Variants in TATDN2 observed in about 807,000 individuals in gnomAD.
The protein encoded by TATDN2 is 3'-5' RNA nuclease TATDN2.
TATDN2 carries 44 observed loss-of-function variants against 60.3 expected under a neutral mutation model. The observed-to-expected ratio is 0.73, with a 90% CI of 0.57 to 0.94. The LOEUF (loss-of-function observed/expected upper bound fraction) is 0.94. TATDN2 is among the 40% of genes least tolerant of loss of function. The probability of loss-of-function intolerance (pLI) is 0.00; values close to 1 mark genes in which losing one functional copy is unlikely to be tolerated. For synonymous variants in TATDN2, 399 were observed against 355.8 expected, an observed-to-expected ratio of 1.12 and a Z score of -1.37; for missense variants, 997 against 948.0, an observed-to-expected ratio of 1.05 and a Z score of -0.68.
At chr3:10,266,042 C>A (rs1698471079) in intron 3 of TATDN2, among the ~76,000 whole-genome samples, 1 of 152,134 alleles carries the variant, frequency 6.6e-6, no homozygotes, top group East Asian at 1.9e-4. Context: ...TAATCATTAA[C>A]CCATCTGTTT....
intron 3 of TATDN2, among the ~76,000 whole-genome samples, chr3:10,262,718 A>G (rs915911639): frequency 1.3e-4 from 19 of 150,014 alleles, no homozygotes; most frequent in Admixed American, 1.1e-3. Flanking sequence ...TATTTTTGGT[A>G]GAGACAGAGT....
rs553265148 is a variant in TATDN2 at position 10,257,841 on chromosome 3, ATTTTTTTTT to A, written c.415-2269_415-2261del. Among the ~76,000 whole-genome samples the A allele has an allele frequency of 6.3e-3, 192 of 30,304 alleles. 1 individual carries two copies. Among genetic ancestry groups the A allele is most frequent in the Non-Finnish European group, 0.011 (158 of 14,388 alleles). 19.9% of individuals were successfully genotyped at this position (30,304 alleles called of 152,430 possible). A position where few individuals can be genotyped will look rare whatever the true frequency, so the allele number is the denominator to read the frequency against. Reference sequence around the variant, plus strand: ...AAGTATAGATTTCTAAAGGTTTATGATTTTTTTTTTTTTTTTTTTTTTTTTTTTTTTTTT... The same window carrying A: ...AAGTATAGATTTCTAAAGGTTTATGATTTTTTTTTTTTTTTTTTTTTTTTT... On this transcript the variant is annotated intron_variant, in intron 2 of 7. Coordinates refer to ENST00000448281, the MANE Select transcript of TATDN2 (RefSeq NM_014760.4).
intron 2 of TATDN2, among the ~76,000 whole-genome samples, chr3:10,255,820 T>TA (rs1454150353): frequency 1.3e-5 from 2 of 152,170 alleles, no homozygotes; most frequent in Non-Finnish European, 2.9e-5. Context: ...CACATGCCTG[T>TA]AATCCCAACT....
At chr3:10,264,965 C>T (rs553216780) in intron 3 of TATDN2, among the ~76,000 whole-genome samples, 22 of 150,010 alleles carry the variant, frequency 1.5e-4, no homozygotes, top group East Asian at 7.8e-4. Context: ...CGTGAGCCAC[C>T]GCGCCTGGCT....
At chr3:10,267,244 TCTC>T in intron 3 of TATDN2, among the ~76,000 whole-genome samples, 1 of 150,730 alleles carries the variant, frequency 6.6e-6, no homozygotes, top group Non-Finnish European at 1.5e-5. Flanking sequence ...ATATCGGCAG[TCTC>T]CTCCTATTTC....
chr3:10,249,137 C>G (rs1698179023), intron 1 of TATDN2, 58 bp from the exon 2 acceptor site: 2 of 1,480,574 alleles, frequency 1.4e-6, no homozygotes, highest in African/African-American at 1.4e-5. Flanking sequence ...TGGCGGGAAT[C>G]TGAGGTGGGG....
chr3:10,264,488 C>G (rs913608550), intron 3 of TATDN2, among the ~76,000 whole-genome samples: 1 of 152,004 alleles, frequency 6.6e-6, no homozygotes, highest in African/African-American at 2.4e-5. Context: ...TAAAATAAGT[C>G]GAATTTGTTC....
intron 5 of TATDN2, among the ~76,000 whole-genome samples, chr3:10,277,472 G>A (rs535913932): frequency 1.3e-5 from 2 of 152,312 alleles, no homozygotes; most frequent in African/African-American, 4.8e-5. Context: ...GACTCAGGAG[G>A]TGATGCCTGG....
At chr3:10,257,031 A>G (rs1306138544) in intron 2 of TATDN2, among the ~76,000 whole-genome samples, 1 of 151,912 alleles carries the variant, frequency 6.6e-6, no homozygotes, top group African/African-American at 2.4e-5. Context: ...ACGGTGGCTC[A>G]TGCCTGTAAT....
chr3:10,256,588 A>G lies in TATDN2; in HGVS notation c.415-3549A>G, dbSNP rs112535529. Among the ~76,000 whole-genome samples, 232 of 152,142 alleles carry G rather than the reference A, an allele frequency of 1.5e-3. 1 individual carries two copies. Among genetic ancestry groups the G allele is most frequent in the African/African-American group, 4.7e-3 (196 of 41,512 alleles). ...ATGGTTGAAAAGTGCACTAAATTCA[A>G]TATTTCTGGTTTTACTTGAAAGAAA... is the stretch of plus-strand genomic sequence containing the variant. On this transcript the variant is annotated intron_variant, in intron 2 of 7. Transcript: ENST00000448281.
chr3:10,255,415 A>AT (rs531672254), intron 2 of TATDN2, among the ~76,000 whole-genome samples: 5 of 152,186 alleles, frequency 3.3e-5, no homozygotes, highest in Non-Finnish European at 7.3e-5. Flanking sequence ...CTTACAAGCC[A>AT]TGTAGCAGTT....
chr3:10,252,776 A>G (rs1189504462), intron 2 of TATDN2, among the ~76,000 whole-genome samples: 8 of 148,474 alleles, frequency 5.4e-5, no homozygotes, highest in Admixed American at 1.3e-4. Context: ...CTGCATCTCA[A>G]CCTCCTGGGC....
At chr3:10,262,676 C>T (rs1698424068) in intron 3 of TATDN2, among the ~76,000 whole-genome samples, 1 of 151,624 alleles carries the variant, frequency 6.6e-6, no homozygotes, top group South Asian at 2.1e-4. Context: ...GCTGGGATTA[C>T]AGGCACACGC....
In TATDN2 at chr3:10,270,900, A is replaced by C. The variant is rs1331364388; in HGVS notation, c.1718A>C (p.Glu573Ala). 1 of 1,614,200 alleles carries C rather than the reference A, an allele frequency of 6.2e-7. No homozygotes were observed. The highest frequency in any genetic ancestry group is 8.5e-7 in the Non-Finnish European group (1 of 1,180,030). Residue 573 changes from glutamate to alanine, a missense_variant, in exon 4 of 8, where the codon GAG becomes GCG. Transcript: ENST00000448281. Reference sequence around the variant, plus strand: ...CCTCATTTTGCACGTTACTACAGTGAGAGTCAAGAAAGAAATCTTTTGCAA... The same window carrying C: ...CCTCATTTTGCACGTTACTACAGTGCGAGTCAAGAAAGAAATCTTTTGCAA... Reference protein sequence around the residue: ...CHPHFARYYSESQERNLLQAL... With the variant: ...CHPHFARYYSASQERNLLQAL...
intron 3 of TATDN2, among the ~76,000 whole-genome samples, chr3:10,268,933 CTT>C (rs972812968): frequency 1.3e-5 from 2 of 152,184 alleles, no homozygotes; most frequent in African/African-American, 2.4e-5. Context: ...CTTAAAATAA[CTT>C]TTCTTTTGCT....
chr3:10,257,952 C>T (rs866092279), intron 2 of TATDN2, among the ~76,000 whole-genome samples: 53 of 144,230 alleles, frequency 3.7e-4, no homozygotes, highest in African/African-American at 1.3e-3. Flanking sequence ...GCTCCGCCTC[C>T]CGGGTTCACG....
chr3:10,276,746 G>A (rs1432826537), intron 5 of TATDN2, among the ~76,000 whole-genome samples: 1 of 152,210 alleles, frequency 6.6e-6, no homozygotes, highest in East Asian at 1.9e-4. Flanking sequence ...ATGCCACCAC[G>A]CCCAGCTAGT....
At chr3:10,252,820 G>C (rs1166114911) in intron 2 of TATDN2, among the ~76,000 whole-genome samples, 1 of 149,982 alleles carries the variant, frequency 6.7e-6, no homozygotes, top group African/African-American at 2.5e-5. Context: ...CTCCCAAGTA[G>C]GTGGAACTCA....
intron 2 of TATDN2, among the ~76,000 whole-genome samples, chr3:10,252,477 C>T (rs1301522188): frequency 2.0e-5 from 3 of 152,172 alleles, no homozygotes; most frequent in Non-Finnish European, 2.9e-5. Context: ...ACCAAGTGTA[C>T]AGTACTTGAC....
Sources: allele counts gnomAD v4.1 joint callset (sites outside exome capture counted in the v4.1 genomes callset), GRCh38; gene constraint gnomAD v4.1.1; transcripts MANE v1.5; gene names NCBI Gene and HGNC (gene_info 2026-07-23, HGNC 2026-07-21).